The following PCDH15 variants were observed in gnomAD, a reference collection of about 807,000 sequenced individuals.
The protein encoded by PCDH15 is protocadherin-15.
Under a neutral mutation model 178.5 loss-of-function variants are expected in PCDH15, and 129 were observed. The ratio of observed to expected loss-of-function variants is 0.72; its 90% CI spans 0.63 to 0.84. The LOEUF (loss-of-function observed/expected upper bound fraction) is 0.84. PCDH15 is among the 40% of genes least tolerant of loss of function. PCDH15 has a pLI of 0.00. For synonymous variants in PCDH15, 800 were observed against 732.0 expected, an observed-to-expected ratio of 1.09 and a Z score of -1.50; for missense variants, 2,230 against 2,099.9, an observed-to-expected ratio of 1.06 and a Z score of -1.21.
Position 54,990,859 on chromosome 10 carries a change from T to A in PCDH15, c.-79-93359A>T, listed in dbSNP as rs561158450. ...AAAGGAAATCCCCTCAGGATAATAA[T>A]ACTGTTTTAGTTTTCTCATAGTAAT... is the stretch of plus-strand genomic sequence containing the variant. On this transcript the variant is annotated intron_variant, in intron 2 of 5. Coordinates refer to the PCDH15 transcript ENST00000458638. Among the ~76,000 whole-genome samples, 757 of 152,214 alleles carry A rather than the reference T, an allele frequency of 5.0e-3. 7 individuals carry two copies. The highest frequency in any genetic ancestry group is 0.017 in the African/African-American group (701 of 41,548).
chr10:54,558,795 C>A (rs957330898), intron 2 of PCDH15, among the ~76,000 whole-genome samples: 1 of 151,878 alleles, frequency 6.6e-6, no homozygotes, highest in African/African-American at 2.4e-5. Context: ...TTTTATTCAC[C>A]CAAACTAGAA....
chr10:54,812,545 G>C (rs1279626852), intron 3 of PCDH15, among the ~76,000 whole-genome samples: 1 of 151,936 alleles, frequency 6.6e-6, no homozygotes, highest in Non-Finnish European at 1.5e-5. Context: ...TGCAACTTCC[G>C]CCTCCCCGGT....
chr10:54,396,897 G>A (rs1052571916), intron 3 of PCDH15, among the ~76,000 whole-genome samples: 4 of 151,984 alleles, frequency 2.6e-5, no homozygotes, highest in Admixed American at 1.3e-4. Context: ...TTCCGACAGT[G>A]GAAAATGTTC....
chr10:54,728,995 G>T lies in PCDH15; in HGVS notation c.-28-64705C>A, dbSNP rs547075179. On this transcript the variant is annotated intron_variant, in intron 1 of 37. Transcript: ENST00000644397. ...ATCATTATAGTAAAAAGGGCATACT[G>T]TCCAAAGCTACTACAAATTCAATGC... 1.7e-4 allele frequency among the ~76,000 whole-genome samples: 26 copies of T among 151,484 alleles called. No homozygotes were observed. The South Asian group carries it at 5.2e-3, about 30-fold the overall frequency.
At chr10:54,875,001 AT>A (rs1197502797) in intron 3 of PCDH15, among the ~76,000 whole-genome samples, 17 of 152,306 alleles carry the variant, frequency 1.1e-4, no homozygotes, top group African/African-American at 4.1e-4. Flanking sequence ...TTTACAGCCT[AT>A]ATACAAGCAC....
rs1379457845 is a variant in PCDH15, at chr10:54,205,360, T to G, written c.1098+8576A>C. Among the ~76,000 whole-genome samples, 9 of 152,254 alleles carry G rather than the reference T, an allele frequency of 5.9e-5. No homozygotes were observed. The East Asian group carries it at 1.7e-3, about 29-fold the overall frequency. ...AATTTGGACTTAGTTGGAAACTGAA[T>G]GGAAGGAATTCATTTATGTAAGGGA... is the stretch of plus-strand genomic sequence containing the variant. On this transcript the variant is annotated intron_variant, in intron 10 of 37. Coordinates refer to ENST00000644397, the MANE Select transcript of PCDH15 (RefSeq NM_001384140.1).
In PCDH15 at chr10:53,823,115, T is replaced by A. The variant is rs142387128; in HGVS notation, c.4368-2885A>T. 36 of 1,614,048 alleles carry A rather than the reference T, an allele frequency of 2.2e-5. No homozygotes were observed. The African/African-American group carries it at 3.3e-4, about 15-fold the overall frequency. On this transcript the variant is annotated intron_variant, in intron 32 of 37. Transcript: ENST00000644397. The stretch of plus-strand genomic sequence containing the variant: ...TTCTCTGTGAAATGTCTGAATTTGT[T>A]GATACTTGACTTATGTTTTCCTTAT...
intron 2 of PCDH15, among the ~76,000 whole-genome samples, chr10:55,088,400 C>T (rs1842230216): frequency 6.6e-6 from 1 of 151,966 alleles, no homozygotes; most frequent in Non-Finnish European, 1.5e-5. Context: ...TCCCCAGTAG[C>T]TGGGACTACA....
At chr10:53,888,741 T>C (rs1384544216) in intron 26 of PCDH15, among the ~76,000 whole-genome samples, 4 of 129,362 alleles carry the variant, frequency 3.1e-5, no homozygotes, top group Non-Finnish European at 4.9e-5. Context: ...CTAAACCTTA[T>C]TTGGTAATGA....
At chr10:54,526,175 T>C (rs946649669) in intron 3 of PCDH15, among the ~76,000 whole-genome samples, 2 of 152,194 alleles carry the variant, frequency 1.3e-5, no homozygotes, top group African/African-American at 4.8e-5. Flanking sequence ...AAAAGTAGGA[T>C]CTAATCAGCA....
intron 15 of PCDH15, among the ~76,000 whole-genome samples, chr10:54,119,655 G>A (rs948367084): frequency 2.6e-5 from 4 of 152,016 alleles, no homozygotes; most frequent in African/African-American, 9.7e-5. Flanking sequence ...GAACATCTGT[G>A]AGATACTATA....
upstream of PCDH15, among the ~76,000 whole-genome samples, chr10:55,323,203 G>A (rs758263919): frequency 7.2e-5 from 11 of 152,182 alleles, 1 homozygote; most frequent in South Asian, 1.7e-3. Context: ...GAGGACGTAC[G>A]GAAATGCTTG....
chr10:54,991,317 T>C (rs1389986383), intron 2 of PCDH15, among the ~76,000 whole-genome samples: 1 of 152,168 alleles, frequency 6.6e-6, no homozygotes, highest in African/African-American at 2.4e-5. Context: ...AATATATTGT[T>C]CCACTTACTG....
At chr10:54,858,980 A>G (rs1431401496) in intron 3 of PCDH15, among the ~76,000 whole-genome samples, 3 of 152,114 alleles carry the variant, frequency 2.0e-5, no homozygotes, top group African/African-American at 7.2e-5. Context: ...GGAGACATAT[A>G]CACATAGCTT....
In PCDH15 at chr10:55,403,914, G is replaced by T. The variant is rs114854301; in HGVS notation, c.-156+223711C>A. 4.2e-3 allele frequency among the ~76,000 whole-genome samples: 641 copies of T among 152,078 alleles called. 9 individuals carry two copies. The highest frequency in any genetic ancestry group is 0.015 in the African/African-American group (614 of 41,502). Reference sequence around the variant, plus strand: ...TTCTGAGGTTAAACCCCAGATAGAAGAAGTTAATCACTTTTATGTTGACAA... The same window carrying T: ...TTCTGAGGTTAAACCCCAGATAGAATAAGTTAATCACTTTTATGTTGACAA... On this transcript the variant is annotated intron_variant, in intron 2 of 5. Transcript: ENST00000613346.
intron 15 of PCDH15, among the ~76,000 whole-genome samples, chr10:54,090,418 G>A (rs934407277): frequency 3.9e-5 from 6 of 152,102 alleles, no homozygotes; most frequent in African/African-American, 1.4e-4. Flanking sequence ...CAAGGTGGGC[G>A]GATTACCTGA....
chr10:55,176,511 C>T (rs1051685974), intron 1 of PCDH15, among the ~76,000 whole-genome samples: 2 of 152,070 alleles, frequency 1.3e-5, no homozygotes, highest in Admixed American at 1.3e-4. Context: ...TAACCAGAGA[C>T]AAGATCCCAA....
intron 3 of PCDH15, among the ~76,000 whole-genome samples, chr10:54,481,319 C>A (rs2078701539): frequency 6.6e-6 from 1 of 151,714 alleles, no homozygotes; most frequent in African/African-American, 2.4e-5. Flanking sequence ...GAAATTGCTT[C>A]ATATTAAATT....
intron 2 of PCDH15, among the ~76,000 whole-genome samples, chr10:55,553,799 A>G (rs1208356424): frequency 6.6e-6 from 1 of 151,964 alleles, no homozygotes; most frequent in Non-Finnish European, 1.5e-5. Flanking sequence ...CTAAGTGATC[A>G]ATATATATAA....
Sources: gnomAD v4.1 joint callset for allele counts (sites outside exome capture counted in the v4.1 genomes callset) on GRCh38, gnomAD v4.1.1 for gene constraint, MANE v1.5 for transcripts, NCBI Gene and HGNC (gene_info 2026-07-23, HGNC 2026-07-21) for gene names.